The following RAF1 variants were observed in gnomAD, a reference collection of about 807,000 sequenced individuals.
RAF1 encodes RAF proto-oncogene serine/threonine-protein kinase.
A neutral mutation model predicts 81.1 loss-of-function variants in RAF1; 27 were observed. That is an observed-to-expected ratio of 0.33 (90% CI 0.25 to 0.46). The LOEUF (loss-of-function observed/expected upper bound fraction) is 0.46. Ranked by LOEUF, RAF1 falls within the 20% of genes least tolerant of loss-of-function variation. The pLI is 1.00. For synonymous variants in RAF1, 298 were observed against 294.0 expected (o/e 1.01, Z -0.14); for missense variants, 598 against 826.0 (o/e 0.72, Z 3.38).
chr3:12,618,603 C>T lies in RAF1; in HGVS notation c.119G>A (p.Arg40His), dbSNP rs192632236. 359 of 1,614,160 alleles carry T rather than the reference C, an allele frequency of 2.2e-4. 2 individuals carry two copies. The Admixed American group carries it at 5.8e-3, about 26-fold the overall frequency. ...GAGTTTGCCATCATCTGATGCCCGG[C>T]GCTGATAGCCAAACTGCTGAACTAT... The change falls in exon 2 of 18, where the codon CGC becomes CAC. Residue 40 changes from arginine (R) to histidine (H), a missense_variant. By Grantham distance (29) the Arg-to-His change is conservative (BLOSUM62 0). Coordinates refer to ENST00000442415, the MANE Select transcript of RAF1 (RefSeq NM_001354689.3).
At position 12,611,994 on chromosome 3, in the gene RAF1, T is replaced by G. The variant is rs876657568; in HGVS notation, c.276A>C (p.Gln92His). 1.9e-6 allele frequency: 3 copies of G among 1,614,160 alleles called. No homozygotes were observed. Among genetic ancestry groups the G allele is most frequent in the Non-Finnish European group, 2.5e-6 (3 of 1,180,016 alleles). The change falls in exon 3 of 18, where the codon CAA becomes CAC. Residue 92 changes from glutamine (Q) to histidine (H), a missense_variant. Physicochemically the swap from Gln to His is conservative, Grantham distance 24. Coordinates refer to ENST00000442415, the MANE Select transcript of RAF1 (RefSeq NM_001354689.3). ...GTCTGAACACTGCACAGCACTCTGG[T>G]TGCAGGCCCCTCACCTTGAGTGCTT...
At chr3:12,588,668 A>AT (rs1339142681) in intron 13 of RAF1, 2 of 152,240 alleles carry the variant, frequency 1.3e-5, no homozygotes, top group Non-Finnish European at 2.9e-5. Flanking sequence ...TGACTATATT[A>AT]TATCTTACAT....
intron 1 of RAF1, among the ~76,000 whole-genome samples, chr3:12,662,960 A>G (rs1364603544): frequency 6.6e-6 from 1 of 152,086 alleles, no homozygotes; most frequent in African/African-American, 2.4e-5. Flanking sequence ...TTTTCCACTT[A>G]GATTAAGTGA....
At chr3:12,624,406 A>C (rs2059639071) in intron 1 of RAF1, among the ~76,000 whole-genome samples, 1 of 152,200 alleles carries the variant, frequency 6.6e-6, no homozygotes, top group Non-Finnish European at 1.5e-5. Context: ...TACAGCAGCA[A>C]CATACTTCAA....
At chr3:12,600,473 A>T in intron 8 of RAF1, 58 bp from the exon 8 acceptor site, 3 of 1,588,830 alleles carry the variant, frequency 1.9e-6, no homozygotes, top group Non-Finnish European at 2.6e-6. Context: ...TCTCTGGGGG[A>T]GGGAAAAAAG....
chr3:12,584,993 A>C lies in RAF1; in HGVS notation c.1729-12T>G. ...ACCATGAAGATGATCTAAGGGAAAGAAAACAGCTGAGCTAATGGGGGGTGA... is the reference window on the plus strand; with the variant it reads ...ACCATGAAGATGATCTAAGGGAAAGCAAACAGCTGAGCTAATGGGGGGTGA... On this transcript the variant is annotated splice_polypyrimidine_tract_variant and intron_variant, in intron 16 of 17. Transcript: ENST00000442415. The C allele has an allele frequency of 6.2e-7, 1 of 1,614,160 alleles. No homozygotes were observed. Among genetic ancestry groups the C allele is most frequent in the Non-Finnish European group, 8.5e-7 (1 of 1,180,024 alleles).
chr3:12,590,526 T>C (rs2058480618), intron 13 of RAF1: 3 of 456,148 alleles, frequency 6.6e-6, no homozygotes, highest in African/African-American at 3.9e-5. Context: ...GGTTTTGCCA[T>C]ATTGGCAAGG....
At position 12,587,587 on chromosome 3, in the gene RAF1, A is replaced by G; in HGVS notation, c.1477+4T>C. 6.2e-7 allele frequency: 1 copy of G among 1,606,018 alleles called. No homozygotes were observed. Among genetic ancestry groups the G allele is most frequent in the Non-Finnish European group, 8.5e-7 (1 of 1,172,634 alleles). On this transcript the variant is annotated splice_donor_region_variant and intron_variant, in intron 14 of 17. Transcript: ENST00000442415. Reference sequence around the variant, plus strand: ...GTCAAATGAACTCAACAACCAAAGGATACTGTTGGATTTCATGTCTCTATG... The same window carrying G: ...GTCAAATGAACTCAACAACCAAAGGGTACTGTTGGATTTCATGTCTCTATG...
intron 15 of RAF1, 150 bp from the exon 15 acceptor site, chr3:12,585,403 G>A: frequency 1.3e-6 from 2 of 1,532,484 alleles, no homozygotes; most frequent in Non-Finnish European, 8.7e-7. Flanking sequence ...CTCCAACTCA[G>A]GCACTGGTTA....
intron 2 of RAF1, among the ~76,000 whole-genome samples, chr3:12,616,496 G>C (rs963360942): frequency 6.6e-6 from 1 of 152,152 alleles, no homozygotes; most frequent in Non-Finnish European, 1.5e-5. Context: ...TATTTTGCCA[G>C]CCATAAAATT....
At chr3:12,599,489 A>G (rs572131431) in intron 11 of RAF1, among the ~76,000 whole-genome samples, 1 of 152,178 alleles carries the variant, frequency 6.6e-6, no homozygotes, top group Non-Finnish European at 1.5e-5. Context: ...CTTATTCACT[A>G]ATTTCTAATT....
chr3:12,588,502 G>C (rs952743870), intron 13 of RAF1: 3 of 152,210 alleles, frequency 2.0e-5, no homozygotes, highest in Non-Finnish European at 4.4e-5. Flanking sequence ...ATGGCCCTCA[G>C]TGTACTGAAT....
intron 10 of RAF1, 108 bp from the exon 10 acceptor site, chr3:12,599,916 G>T: frequency 1.7e-6 from 2 of 1,207,128 alleles, no homozygotes; most frequent in Non-Finnish European, 2.5e-6. Flanking sequence ...ATCTTTTAAA[G>T]ATAAACATAT....
rs992557877 is a variant in RAF1, at chr3:12,618,763, A to C, written c.-26-16T>G. ...ATTCTTAAACCTGGTAAGAAACACA[A>C]ATAATTGTAACTCTAGAACAAAAGT... On this transcript the variant is annotated splice_polypyrimidine_tract_variant and intron_variant, in intron 1 of 17. Coordinates refer to ENST00000442415, the MANE Select transcript of RAF1 (RefSeq NM_001354689.3). 2 of 1,585,752 alleles carry C rather than the reference A, an allele frequency of 1.3e-6. No individual in the cohort carries two copies. Among genetic ancestry groups the C allele is most frequent in the Admixed American group, 1.7e-5 (1 of 59,172 alleles).
chr3:12,628,777 G>A (rs1315825209), intron 1 of RAF1, among the ~76,000 whole-genome samples: 1 of 145,398 alleles, frequency 6.9e-6, no homozygotes, highest in African/African-American at 2.5e-5. Context: ...CGGGGCACAT[G>A]GTCTCACTCT....
At chr3:12,621,619 C>T (rs747022857) in intron 1 of RAF1, among the ~76,000 whole-genome samples, 4 of 152,152 alleles carry the variant, frequency 2.6e-5, no homozygotes, top group Non-Finnish European at 5.9e-5. Context: ...GTATTCTACT[C>T]CAGAAATTTG....
intron 1 of RAF1, among the ~76,000 whole-genome samples, chr3:12,652,106 C>T (rs1305433256): frequency 6.6e-6 from 1 of 151,902 alleles, no homozygotes; most frequent in Admixed American, 6.6e-5. Flanking sequence ...ATCCCAGCTA[C>T]TCGGGAGGCT....
intron 1 of RAF1, among the ~76,000 whole-genome samples, chr3:12,663,250 A>G (rs1473590685): frequency 6.6e-6 from 1 of 152,192 alleles, no homozygotes; most frequent in Non-Finnish European, 1.5e-5. Flanking sequence ...ATCCTCTATA[A>G]GTATCCCAAA....
intron 1 of RAF1, among the ~76,000 whole-genome samples, chr3:12,622,495 CA>C (rs935572154): frequency 6.6e-6 from 1 of 152,176 alleles, no homozygotes; most frequent in Non-Finnish European, 1.5e-5. Flanking sequence ...GCTGAAACCC[CA>C]AAAACAGGCA....
Sources: gnomAD v4.1 joint callset for allele counts (sites outside exome capture counted in the v4.1 genomes callset) on GRCh38, gnomAD v4.1.1 for gene constraint, MANE v1.5 for transcripts, NCBI Gene and HGNC (gene_info 2026-07-23, HGNC 2026-07-21) for gene names.